FXR1: variants seen among roughly 807,000 people sequenced by gnomAD.
FXR1 encodes RNA-binding protein FXR1.
Under a neutral mutation model 84.0 loss-of-function variants are expected in FXR1, and 15 were observed. That is an observed-to-expected ratio of 0.18 (90% CI 0.12 to 0.27). FXR1 has a LOEUF of 0.27. FXR1 is among the 10% of genes least tolerant of loss of function. The probability of loss-of-function intolerance (pLI) is 1.00; values close to 1 mark genes in which losing one functional copy is unlikely to be tolerated. For synonymous variants in FXR1, 245 were observed against 250.7 expected, an observed-to-expected ratio of 0.98 and a Z score of 0.21; for missense variants, 480 against 774.4, an observed-to-expected ratio of 0.62 and a Z score of 4.51.
intron 9 of FXR1, among the ~76,000 whole-genome samples, chr3:180,955,985 T>C (rs191672603): frequency 3.9e-5 from 6 of 152,326 alleles, no homozygotes; most frequent in African/African-American, 1.4e-4. Flanking sequence ...GTACAAGAAT[T>C]TCTATTGGTT....
chr3:180,946,489 A>G (rs1215912580), intron 3 of FXR1, among the ~76,000 whole-genome samples: 1 of 152,230 alleles, frequency 6.6e-6, no homozygotes, highest in East Asian at 1.9e-4. Context: ...GTTTTTTGGA[A>G]TATGTCGTAA....
chr3:180,955,466 TTATAA>T (rs1324278717), intron 9 of FXR1, among the ~76,000 whole-genome samples: 1 of 152,096 alleles, frequency 6.6e-6, no homozygotes, highest in African/African-American at 2.4e-5. Flanking sequence ...TTTTGTATAA[TTATAA>T]TTATACAAAA....
At chr3:180,953,887 G>A (rs753468225) in intron 9 of FXR1, 47 bp downstream of exon 9, 3 of 931,990 alleles carry the variant, frequency 3.2e-6, no homozygotes, top group Non-Finnish European at 5.2e-6. Flanking sequence ...ACATTATTTA[G>A]TTACATATAG....
intron 3 of FXR1, among the ~76,000 whole-genome samples, chr3:180,938,978 C>T (rs1049301343): frequency 6.6e-6 from 1 of 151,960 alleles, no homozygotes; most frequent in Non-Finnish European, 1.5e-5. Context: ...TCACTGCAAC[C>T]TCCACCTCCC....
intron 6 of FXR1, 61 bp downstream of exon 6, chr3:180,948,875 A>C: frequency 1.2e-6 from 1 of 809,716 alleles, no homozygotes; most frequent in Non-Finnish European, 2.1e-6. Context: ...TTTTATAATT[A>C]CATATTTCAG....
intron 10 of FXR1, among the ~76,000 whole-genome samples, chr3:180,960,270 T>C (rs1711929748): frequency 6.6e-6 from 1 of 152,236 alleles, no homozygotes; most frequent in South Asian, 2.1e-4. Context: ...TGTGTAAATA[T>C]TTATGCTCTG....
chr3:180,949,178 A>G (rs1240853724), intron 6 of FXR1, 49 bp from the exon 7 acceptor site: 4 of 931,842 alleles, frequency 4.3e-6, no homozygotes, highest in African/African-American at 1.6e-5. Flanking sequence ...TGTTTGTGCT[A>G]TTTGGAAGAA....
chr3:180,949,734 C>G (rs756566418), intron 7 of FXR1, among the ~76,000 whole-genome samples: 43 of 152,164 alleles, frequency 2.8e-4, no homozygotes, highest in Non-Finnish European at 5.7e-4. Context: ...GAAGGCAGCC[C>G]AGGACCTCTG....
chr3:180,960,135 C>T (rs1026491768), intron 10 of FXR1, among the ~76,000 whole-genome samples: 6 of 152,174 alleles, frequency 3.9e-5, no homozygotes, highest in Non-Finnish European at 7.4e-5. Context: ...CATCTTATTT[C>T]TCTTTTCTGC....
chr3:180,963,577 C>T (rs768057566), intron 13 of FXR1, among the ~76,000 whole-genome samples: 2 of 152,132 alleles, frequency 1.3e-5, no homozygotes, highest in South Asian at 2.1e-4. Flanking sequence ...ACTCATTTGG[C>T]GTATTTGAAT....
At chr3:180,966,654 TATC>T (rs1359704422) in intron 13 of FXR1, among the ~76,000 whole-genome samples, 11 of 152,202 alleles carry the variant, frequency 7.2e-5, no homozygotes, top group African/African-American at 2.4e-4. Context: ...TTCCACCCTT[TATC>T]ATAGACCAAT....
At position 180,944,202 on chromosome 3, in the gene FXR1, C is replaced by T. The variant is rs572895825; in HGVS notation, c.199-3663C>T. 4.0e-5 allele frequency among the ~76,000 whole-genome samples: 6 copies of T among 151,514 alleles called. No individual in the cohort carries two copies. In the South Asian group the frequency reaches 8.4e-4, roughly 21 times the overall value. Reference sequence around the variant, plus strand: ...TGCTGGGATTACAGGCGTGAGCCACCGCGCCCGGCCTAGAATATTCTTTTT... The same window carrying T: ...TGCTGGGATTACAGGCGTGAGCCACTGCGCCCGGCCTAGAATATTCTTTTT... On this transcript the variant is annotated intron_variant, in intron 3 of 16. Transcript: ENST00000357559.
intron 3 of FXR1, among the ~76,000 whole-genome samples, chr3:180,945,396 A>G (rs1721591298): frequency 6.6e-6 from 1 of 152,094 alleles, no homozygotes; most frequent in Non-Finnish European, 1.5e-5. Flanking sequence ...TTTATCTTCA[A>G]TTTTTATTTT....
intron 1 of FXR1, chr3:180,914,905 G>T (rs1717694572): frequency 1.0e-6 from 1 of 984,612 alleles, no homozygotes; most frequent in South Asian, 4.7e-5. Flanking sequence ...TATGCACTTT[G>T]TGGAAACTGT....
At position 180,948,473 on chromosome 3, in the gene FXR1, G is replaced by A. The variant is rs759260305; in HGVS notation, c.397G>A (p.Val133Ile). 1.9e-6 allele frequency: 3 copies of A among 1,607,150 alleles called. No individual in the cohort carries two copies. The highest frequency in any genetic ancestry group is 2.6e-6 in the Non-Finnish European group (3 of 1,174,354). The change falls in exon 5 of 17, where the codon GTT becomes ATT. Residue 133 changes from valine to isoleucine, a missense_variant. By Grantham distance (29) the Val-to-Ile change is conservative. This residue lies in a region of FXR1 where 136 missense variants were observed against 315.4 expected (regional missense o/e 0.43). Transcript: ENST00000357559. ...KNTFFKCTVD[V>I]PEDLREACAN... ...TACCTTCTTTAAATGCACAGTGGAT[G>A]TTCCTGAGGATTTGAGAGAGGCGTG...
chr3:180,941,367 A>AT (rs1278622334), intron 3 of FXR1, among the ~76,000 whole-genome samples: 1 of 151,648 alleles, frequency 6.6e-6, no homozygotes, highest in Non-Finnish European at 1.5e-5. Context: ...TAATTTTTGT[A>AT]TTTTTTGTAG....
intron 1 of FXR1, among the ~76,000 whole-genome samples, chr3:180,920,996 C>CA (rs1156330497): frequency 6.6e-6 from 1 of 152,012 alleles, no homozygotes; most frequent in Non-Finnish European, 1.5e-5. Flanking sequence ...TTTCTTTTTT[C>CA]AAACTCAGAA....
intron 13 of FXR1, among the ~76,000 whole-genome samples, chr3:180,963,627 C>T (rs1040923702): frequency 6.6e-6 from 1 of 152,214 alleles, no homozygotes; most frequent in Non-Finnish European, 1.5e-5. Context: ...TATTTAACAA[C>T]ATTTCACTAA....
At position 180,978,602 on chromosome 3, in the gene FXR1, G is replaced by C. The variant is rs182067416; in HGVS notation, c.*2310G>C. On this transcript the variant is annotated 3_prime_UTR_variant, in exon 17 of 17. Transcript: ENST00000357559. Reference sequence around the variant, plus strand: ...ACACTTAAGCAAAAGATGTATTCTGGAGCCTGGCACAGTAGCTTATGTCTT... The same window carrying C: ...ACACTTAAGCAAAAGATGTATTCTGCAGCCTGGCACAGTAGCTTATGTCTT... 3.3e-5 allele frequency: 5 copies of C among 152,164 alleles called. No individual in the cohort carries two copies. The East Asian group carries it at 9.6e-4, about 29-fold the overall frequency. The allele number at this position is 152,164 out of a possible 1,614,324, so 9.4% of individuals were successfully genotyped here. A position where few individuals can be genotyped will look rare whatever the true frequency, so the allele number is the denominator to read the frequency against.
Sources: gnomAD v4.1 joint callset for allele counts (sites outside exome capture counted in the v4.1 genomes callset) on GRCh38, gnomAD v4.1.1 for gene constraint, gnomAD v4.1.1 regional missense constraint, MANE v1.5 for transcripts, NCBI Gene and HGNC (gene_info 2026-07-23, HGNC 2026-07-21) for gene names.